TRAK1: variants seen among roughly 807,000 people sequenced by gnomAD.
The protein encoded by TRAK1 is trafficking kinesin-binding protein 1.
Under a neutral mutation model 92.1 loss-of-function variants are expected in TRAK1, and 33 were observed. That is an observed-to-expected ratio of 0.36 (90% confidence interval 0.27 to 0.48). The LOEUF (loss-of-function observed/expected upper bound fraction) is 0.48. Ranked by LOEUF, TRAK1 falls within the 20% of genes least tolerant of loss-of-function variation. TRAK1 has a pLI of 0.99. For synonymous variants in TRAK1, 521 were observed against 517.3 expected (o/e 1.01, Z -0.10); for missense variants, 1,123 against 1,257.9 (o/e 0.89, Z 1.62).
At chr3:42,134,960 G>A (rs1009270171) in intron 2 of TRAK1, among the ~76,000 whole-genome samples, 7 of 150,732 alleles carry the variant, frequency 4.6e-5, no homozygotes, top group African/African-American at 7.3e-5. Flanking sequence ...CTGCAGCCTC[G>A]AACTCCTGGC....
intron 1 of TRAK1, among the ~76,000 whole-genome samples, chr3:42,074,131 T>C (rs1181432847): frequency 1.3e-5 from 2 of 152,202 alleles, no homozygotes; most frequent in African/African-American, 2.4e-5. Context: ...AGAGCCATCA[T>C]AGGGCAAGCA....
chr3:42,133,583 C>A (rs1056316501), intron 2 of TRAK1, among the ~76,000 whole-genome samples: 1 of 152,142 alleles, frequency 6.6e-6, no homozygotes, highest in Admixed American at 6.5e-5. Context: ...CCTTGACCAC[C>A]CCATCTGTGG....
At chr3:42,214,325 C>T (rs529052142) in intron 14 of TRAK1, among the ~76,000 whole-genome samples, 5 of 152,282 alleles carry the variant, frequency 3.3e-5, no homozygotes, top group African/African-American at 4.8e-5. Flanking sequence ...TGGCCTTGAA[C>T]GCACTAGTGG....
intron 8 of TRAK1, 28 bp from the exon 9 acceptor site, chr3:42,193,796 G>C (rs1706174856): frequency 8.1e-7 from 1 of 1,241,804 alleles, no homozygotes; most frequent in East Asian, 2.3e-5. Context: ...AGTATCTTAG[G>C]AAGTGATCTA....
chr3:42,203,426 G>T, intron 13 of TRAK1: 1 of 984,760 alleles, frequency 1.0e-6, no homozygotes, highest in South Asian at 4.7e-5. Context: ...AGTATCAGGG[G>T]CATCTCAGAT....
intron 1 of TRAK1, among the ~76,000 whole-genome samples, chr3:42,033,811 TTC>T (rs1220870645): frequency 2.0e-5 from 3 of 152,158 alleles, no homozygotes; most frequent in Non-Finnish European, 4.4e-5. Flanking sequence ...TGTTGATATT[TTC>T]TCTTTTTCCT....
chr3:42,188,551 G>C (rs1379588935), intron 5 of TRAK1, among the ~76,000 whole-genome samples: 4 of 152,210 alleles, frequency 2.6e-5, no homozygotes, highest in Non-Finnish European at 4.4e-5. Flanking sequence ...GAACTCCAGA[G>C]CCCAGTGGGC....
intron 15 of TRAK1, chr3:42,220,515 G>A (rs540931998): frequency 7.1e-6 from 7 of 985,410 alleles, no homozygotes; most frequent in South Asian, 9.4e-5. Context: ...TGAGGAGGAC[G>A]ACGAAGCAGC....
intron 10 of TRAK1, 140 bp from the exon 11 acceptor site, chr3:42,199,037 T>G: frequency 2.5e-6 from 2 of 796,660 alleles, no homozygotes; most frequent in Non-Finnish European, 4.1e-6. Context: ...GAGAGTGCTG[T>G]TAAGTTTGTG....
At chr3:42,209,644 G>A in intron 13 of TRAK1, 123 bp from the exon 14 acceptor site, 2 of 950,982 alleles carry the variant, frequency 2.1e-6, no homozygotes, top group Middle Eastern at 6.6e-4. Context: ...CCACCTGGAG[G>A]CCCAGACCCT....
At chr3:42,014,985 C>T (rs1427209824) in intron 1 of TRAK1, among the ~76,000 whole-genome samples, 2 of 152,172 alleles carry the variant, frequency 1.3e-5, no homozygotes, top group Admixed American at 1.3e-4. Context: ...AGGGTCCTTT[C>T]CAATTTCCAA....
At chr3:42,175,492 G>T (rs972026817) in intron 2 of TRAK1, among the ~76,000 whole-genome samples, 1 of 152,034 alleles carries the variant, frequency 6.6e-6, no homozygotes, top group Non-Finnish European at 1.5e-5. Context: ...TTCCCCCCAC[G>T]CTTGGACAGG....
At position 42,193,826 on chromosome 3, in the gene TRAK1, C is replaced by T. The variant is rs144162412; in HGVS notation, c.903C>T (p.Cys301=). Residue 301 remains cysteine, a splice_region_variant and synonymous_variant, in exon 9 of 16, where the codon TGC becomes TGT. Transcript: ENST00000327628. ...IVDLQKKAKA[C]AVENEELVQH... The stretch of plus-strand genomic sequence containing the variant: ...GATCTATCTTTGCCATGCTTTAGTG[C>T]GCAGTGGAAAATGAAGAACTTGTCC... The T allele has an allele frequency of 2.0e-4, 329 of 1,614,034 alleles. 2 individuals carry two copies. The African/African-American group carries it at 3.7e-3, about 18-fold the overall frequency.
chr3:42,025,775 T>G (rs190803082), intron 1 of TRAK1, among the ~76,000 whole-genome samples: 4 of 152,232 alleles, frequency 2.6e-5, no homozygotes, highest in Non-Finnish European at 4.4e-5. Context: ...GGTGGTGAGC[T>G]CATTAGGCTG....
chr3:42,105,537 G>A (rs1005642832), intron 1 of TRAK1, among the ~76,000 whole-genome samples: 85 of 152,308 alleles, frequency 5.6e-4, no homozygotes, highest in African/African-American at 1.9e-3. Context: ...CCAAATCTAC[G>A]TCTGATTGGT....
chr3:42,168,588 T>C (rs1208109839), intron 2 of TRAK1, among the ~76,000 whole-genome samples: 1 of 152,172 alleles, frequency 6.6e-6, no homozygotes, highest in Non-Finnish European at 1.5e-5. Flanking sequence ...CTAATCTGCT[T>C]TCTTTTTTTT....
chr3:42,093,100 CAG>C (rs1705342873), intron 1 of TRAK1, among the ~76,000 whole-genome samples: 1 of 151,944 alleles, frequency 6.6e-6, no homozygotes, highest in African/African-American at 2.4e-5. Context: ...ATTAATGAAA[CAG>C]AAAAGAATGG....
intron 5 of TRAK1, among the ~76,000 whole-genome samples, chr3:42,188,460 C>G (rs1194281002): frequency 1.3e-5 from 2 of 152,126 alleles, no homozygotes; most frequent in African/African-American, 4.8e-5. Context: ...GGTTCTGGAG[C>G]CAGAGGTGCT....
At chr3:42,103,590 C>T (rs1203892898) in intron 1 of TRAK1, among the ~76,000 whole-genome samples, 1 of 152,118 alleles carries the variant, frequency 6.6e-6, no homozygotes, top group Non-Finnish European at 1.5e-5. Flanking sequence ...GTCATCGATG[C>T]TATTCGAGGG....
Sources: gnomAD v4.1 joint callset for allele counts (sites outside exome capture counted in the v4.1 genomes callset) on GRCh38, gnomAD v4.1.1 for gene constraint, MANE v1.5 for transcripts, NCBI Gene and HGNC (gene_info 2026-07-23, HGNC 2026-07-21) for gene names.